Variants in FKBP3 observed in about 807,000 individuals in gnomAD.
The protein encoded by FKBP3 is FKBP prolyl isomerase 3, also known as peptidyl-prolyl cis-trans isomerase FKBP3.
Under a neutral mutation model 30.6 loss-of-function variants are expected in FKBP3, and 21 were observed. The ratio of observed to expected loss-of-function variants is 0.69; its 90% CI spans 0.49 to 0.99. The LOEUF (loss-of-function observed/expected upper bound fraction) is 0.99. FKBP3 is among the 50% of genes least tolerant of loss of function. The pLI is 0.00. For synonymous variants in FKBP3, 82 were observed against 91.3 expected (o/e 0.90, Z 0.58); for missense variants, 283 against 261.6 (o/e 1.08, Z -0.56).
At chr14:45,133,926 G>A (rs1346849008) in intron 1 of FKBP3, among the ~76,000 whole-genome samples, 2 of 152,174 alleles carry the variant, frequency 1.3e-5, no homozygotes, top group African/African-American at 4.8e-5. Flanking sequence ...AGAAAAGCAA[G>A]TTGGATACAC....
In FKBP3 at chr14:45,121,611, T is replaced by C; in HGVS notation, c.328A>G (p.Lys110Glu). 3 of 1,613,278 alleles carry C rather than the reference T, an allele frequency of 1.9e-6. No homozygotes were observed. The highest frequency in any genetic ancestry group is 2.5e-6 in the Non-Finnish European group (3 of 1,179,686). The change falls in exon 4 of 7, where the codon AAA becomes GAA. Residue 110 changes from lysine to glutamate, a missense_variant. Lys to Glu is a moderately conservative substitution (Grantham distance 56). Coordinates refer to ENST00000396062, the MANE Select transcript of FKBP3 (RefSeq NM_002013.4). The stretch of plus-strand genomic sequence containing the variant: ...TTTTTCAGAACAGATTTAGTATATT[T>C]TGGTGGACCCTAAAAACAAAAAACA... ...SEETLDEGPPKYTKSVLKKGD... is the reference protein window; with the variant it reads ...SEETLDEGPPEYTKSVLKKGD...
At position 45,116,227 on chromosome 14, in the gene FKBP3, A is replaced by G. The variant is rs1884831007; in HGVS notation, c.646T>C (p.Phe216Leu). Reference sequence around the variant, plus strand: ...TCAATATCCACTAATTCCACTTCAAAAGTGAGTTTTGCATTTGGTGGAATT... The same window carrying G: ...TCAATATCCACTAATTCCACTTCAAGAGTGAGTTTTGCATTTGGTGGAATT... ...AKIPPNAKLT[F>L]EVELVDID Residue 216 changes from phenylalanine (F) to leucine (L), a missense_variant, in exon 7 of 7, where the codon TTT becomes CTT. Transcript: ENST00000396062. The G allele has an allele frequency of 6.2e-7, 1 of 1,613,118 alleles. No individual in the cohort carries two copies. Among genetic ancestry groups the G allele is most frequent in the African/African-American group, 1.3e-5 (1 of 74,964 alleles).
intron 1 of FKBP3, 126 bp from the exon 2 acceptor site, chr14:45,130,926 A>C (rs1266092395): frequency 1.8e-6 from 1 of 542,914 alleles, no homozygotes; most frequent in African/African-American, 1.9e-5. Context: ...GAAGAAATAA[A>C]GCCTATAGTT....
intron 3 of FKBP3, among the ~76,000 whole-genome samples, chr14:45,122,365 C>A (rs984366400): frequency 4.6e-5 from 7 of 152,162 alleles, no homozygotes; most frequent in Non-Finnish European, 1.0e-4. Context: ...TCAGAGGGAT[C>A]TGCATTATCC....
intron 1 of FKBP3, chr14:45,131,055 T>C (rs1594745733): frequency 3.8e-6 from 1 of 262,154 alleles, no homozygotes; most frequent in Non-Finnish European, 7.2e-6. Flanking sequence ...TCCTAAACTT[T>C]TTCCTGTCAA....
chr14:45,116,065 T>C lies in FKBP3; in HGVS notation c.*133A>G. 1.6e-6 allele frequency: 1 copy of C among 630,524 alleles called. No homozygotes were observed. Among genetic ancestry groups the C allele is most frequent in the South Asian group, 2.1e-5 (1 of 46,782 alleles). The allele number at this position is 630,524 out of a possible 1,614,324, so 39.1% of individuals were successfully genotyped here. ...AAAAGCTGGGACCAAGTAAACAAAT[T>C]TTATTAACTCCTTGAATTTTCCAGT... is the stretch of plus-strand genomic sequence containing the variant. On this transcript the variant is annotated 3_prime_UTR_variant, in exon 7 of 7. Coordinates refer to ENST00000396062, the MANE Select transcript of FKBP3 (RefSeq NM_002013.4).
chr14:45,132,800 T>C (rs1325135951), intron 1 of FKBP3, among the ~76,000 whole-genome samples: 1 of 152,208 alleles, frequency 6.6e-6, no homozygotes, highest in East Asian at 1.9e-4. Context: ...GTTGAAATTC[T>C]TCCACGTGGC....
intron 1 of FKBP3, 43 bp from the exon 2 acceptor site, chr14:45,130,843 G>T (rs1885197533): frequency 8.8e-7 from 1 of 1,141,742 alleles, no homozygotes; most frequent in Non-Finnish European, 1.3e-6. Flanking sequence ...CTTCTCCCGA[G>T]TAAGAAGTGT....
At chr14:45,130,823 A>G in intron 1 of FKBP3, 23 bp from the exon 2 acceptor site, 1 of 1,427,502 alleles carries the variant, frequency 7.0e-7, no homozygotes, top group East Asian at 2.3e-5. Flanking sequence ...AAGCTGGGTA[A>G]TCAAGATAAC....
rs925080157 is a variant in FKBP3 at position 45,116,330 on chromosome 14, C to T, written c.621-78G>A. 7 of 956,330 alleles carry T rather than the reference C, an allele frequency of 7.3e-6. No homozygotes were observed. The Admixed American group carries it at 1.1e-4, about 15-fold the overall frequency. The allele number at this position is 956,330 out of a possible 1,614,324, so 59.2% of individuals were successfully genotyped here. A position where few individuals can be genotyped will look rare whatever the true frequency, so the allele number is the denominator to read the frequency against. Reference sequence around the variant, plus strand: ...ATAACCTTAGTGTAGGATAGGCTGACTAGATAGGCTCACTAGATAAATTGA... The same window carrying T: ...ATAACCTTAGTGTAGGATAGGCTGATTAGATAGGCTCACTAGATAAATTGA... On this transcript the variant is annotated intron_variant, in intron 6 of 6. Coordinates refer to ENST00000396062, the MANE Select transcript of FKBP3 (RefSeq NM_002013.4).
At chr14:45,126,307 G>A (rs1274206155) in intron 3 of FKBP3, among the ~76,000 whole-genome samples, 1 of 151,608 alleles carries the variant, frequency 6.6e-6, no homozygotes, top group Non-Finnish European at 1.5e-5. Context: ...GACCAACATG[G>A]TGAAACCCTG....
chr14:45,120,330 T>C (rs1178547999), intron 5 of FKBP3, among the ~76,000 whole-genome samples: 1 of 152,168 alleles, frequency 6.6e-6, no homozygotes, highest in South Asian at 2.1e-4. Flanking sequence ...TCAAAGTTTC[T>C]TTCTGTTATC....
chr14:45,118,787 C>A (rs1884915240), intron 5 of FKBP3, among the ~76,000 whole-genome samples: 1 of 152,198 alleles, frequency 6.6e-6, no homozygotes, highest in Non-Finnish European at 1.5e-5. Context: ...CTGGCAAGTA[C>A]TCACTGTAAA....
In FKBP3 at chr14:45,116,209, C is replaced by A; in HGVS notation, c.664G>T (p.Asp222Tyr). The A allele has an allele frequency of 1.2e-6, 2 of 1,610,438 alleles. No homozygotes were observed. The highest frequency in any genetic ancestry group is 1.7e-6 in the Non-Finnish European group (2 of 1,176,848). ...GAAGCACTGCTATTTCAATCAATAT[C>A]CACTAATTCCACTTCAAAAGTGAGT... ...AKLTFEVELV[D>Y]ID The change falls in exon 7 of 7, where the codon GAT becomes TAT. Residue 222 changes from aspartate to tyrosine, a missense_variant. Physicochemically the swap from Asp to Tyr is radical, Grantham distance 160 (BLOSUM62 -3). Coordinates refer to ENST00000396062, the MANE Select transcript of FKBP3 (RefSeq NM_002013.4).
At chr14:45,134,296 G>C in intron 1 of FKBP3, 53 bp downstream of exon 1, 2 of 1,365,786 alleles carry the variant, frequency 1.5e-6, no homozygotes, top group South Asian at 1.2e-5. Flanking sequence ...ATCTCCAGGG[G>C]GGTGAGGCGT....
At position 45,116,231 on chromosome 14, in the gene FKBP3, G is replaced by A. The variant is rs1461840973; in HGVS notation, c.642C>T (p.Leu214=). ...PDAKIPPNAK[L]TFEVELVDID ...TATCCACTAATTCCACTTCAAAAGTGAGTTTTGCATTTGGTGGAATTCTGT... is the reference window on the plus strand; with the variant it reads ...TATCCACTAATTCCACTTCAAAAGTAAGTTTTGCATTTGGTGGAATTCTGT... The change falls in exon 7 of 7, where the codon CTC becomes CTT. Residue 214 remains leucine (L), a synonymous_variant. Coordinates refer to ENST00000396062, the MANE Select transcript of FKBP3 (RefSeq NM_002013.4). 1.2e-6 allele frequency: 2 copies of A among 1,613,004 alleles called. No individual in the cohort carries two copies. The highest frequency in any genetic ancestry group is 1.3e-5 in the African/African-American group (1 of 74,956).
At position 45,120,945 on chromosome 14, in the gene FKBP3, T is replaced by C. The variant is rs750351667; in HGVS notation, c.464A>G (p.Lys155Arg). 9 of 1,612,872 alleles carry C rather than the reference T, an allele frequency of 5.6e-6. No individual in the cohort carries two copies. In the African/African-American group the frequency reaches 6.7e-5, roughly 12 times the overall value. ...ACTTAAAGGCTTGGCATTTTTCTTC[T>C]TCTTTGCACCTGTAAAACAGATTTT... ...FDTNIQTSAK[K>R]KKNAKPLSFK... Residue 155 changes from lysine to arginine, a missense_variant, in exon 5 of 7, where the codon AAG becomes AGG. By Grantham distance (26) the Lys-to-Arg change is conservative (BLOSUM62 2). Coordinates refer to ENST00000396062, the MANE Select transcript of FKBP3 (RefSeq NM_002013.4).
At chr14:45,117,198 C>A (rs1456581722) in intron 6 of FKBP3, among the ~76,000 whole-genome samples, 5 of 152,182 alleles carry the variant, frequency 3.3e-5, no homozygotes, top group Non-Finnish European at 7.3e-5. Context: ...TTTTGAACTC[C>A]TGACCTCAGG....
chr14:45,115,702 C>T lies in FKBP3; in HGVS notation c.*496G>A, dbSNP rs1253771553. 1 of 152,540 alleles carries T rather than the reference C, an allele frequency of 6.6e-6. No homozygotes were observed. The highest frequency in any genetic ancestry group is 6.5e-5 in the Admixed American group (1 of 15,306). The allele number at this position is 152,540 out of a possible 1,614,324, so 9.4% of individuals were successfully genotyped here. A position where few individuals can be genotyped will look rare whatever the true frequency, so the allele number is the denominator to read the frequency against. On this transcript the variant is annotated 3_prime_UTR_variant, in exon 7 of 7. Transcript: ENST00000396062. ...TTTTGAAGTACACCTTTTCTAAATT[C>T]AGGTCTTGATCTTCCTGCCAAGATT...
Sources: allele counts gnomAD v4.1 joint callset (sites outside exome capture counted in the v4.1 genomes callset), GRCh38; gene constraint gnomAD v4.1.1; transcripts MANE v1.5; gene names NCBI Gene and HGNC (gene_info 2026-07-23, HGNC 2026-07-21).